Variants in DOP1B observed in about 807,000 individuals in gnomAD.
The protein encoded by DOP1B is DOP1 leucine zipper like protein B.
In DOP1B, 174 loss-of-function variants were observed where a neutral mutation model predicts 233.5. That is an observed-to-expected ratio of 0.75 (90% CI 0.66 to 0.85). The LOEUF (loss-of-function observed/expected upper bound fraction) is 0.85. Ranked by LOEUF, DOP1B falls within the 40% of genes least tolerant of loss-of-function variation. The pLI is 0.00. For synonymous variants in DOP1B, 1,190 were observed against 1,185.6 expected (o/e 1.00, Z -0.08); for missense variants, 2,652 against 2,846.6 (o/e 0.93, Z 1.56).
intron 2 of DOP1B, among the ~76,000 whole-genome samples, chr21:36,196,344 C>T (rs1302705678): frequency 6.6e-6 from 1 of 152,150 alleles, no homozygotes; most frequent in Admixed American, 6.5e-5. Context: ...GCTGGCTGGG[C>T]ATTGCTGGTG....
At chr21:36,195,538 A>G (rs1006541722) in intron 2 of DOP1B, among the ~76,000 whole-genome samples, 1 of 152,136 alleles carries the variant, frequency 6.6e-6, no homozygotes, top group Non-Finnish European at 1.5e-5. Flanking sequence ...TGTCTCAAAA[A>G]ATCAAAACAT....
At chr21:36,288,496 T>A (rs1353691267) in intron 33 of DOP1B, among the ~76,000 whole-genome samples, 1 of 152,074 alleles carries the variant, frequency 6.6e-6, no homozygotes, top group Non-Finnish European at 1.5e-5. Flanking sequence ...AGTTCGAGAC[T>A]AGCCTGGGCA....
Position 36,232,238 on chromosome 21 carries a change from C to A in DOP1B, c.2351-566C>A, listed in dbSNP as rs371873642. On this transcript the variant is annotated intron_variant, in intron 14 of 36. Transcript: ENST00000691173. ...CCTCATATGATCTGCCCGCCTTGGCCTCCCAAAGTGCTGGGATTACAGGCA... is the reference window on the plus strand; with the variant it reads ...CCTCATATGATCTGCCCGCCTTGGCATCCCAAAGTGCTGGGATTACAGGCA... Among the ~76,000 whole-genome samples the A allele has an allele frequency of 2.0e-5, 3 of 152,290 alleles. No individual in the cohort carries two copies. The East Asian group carries it at 5.8e-4, about 29-fold the overall frequency.
At chr21:36,198,279 A>T (rs2066316459) in intron 2 of DOP1B, among the ~76,000 whole-genome samples, 1 of 151,032 alleles carries the variant, frequency 6.6e-6, no homozygotes, top group South Asian at 2.1e-4. Context: ...AATACAAAAA[A>T]TTAGTCAGGC....
Position 36,260,665 on chromosome 21 carries a change from T to C in DOP1B, c.5260-12T>C. The stretch of plus-strand genomic sequence containing the variant: ...ACCAACTCGGAGTAATTGGTTTTAC[T>C]TTCATTTTCAGAAATCGCCCCTAGT... On this transcript the variant is annotated splice_polypyrimidine_tract_variant and intron_variant, in intron 23 of 36. Transcript: ENST00000691173. 6.2e-7 allele frequency: 1 copy of C among 1,613,910 alleles called. No homozygotes were observed. The highest frequency in any genetic ancestry group is 8.5e-7 in the Non-Finnish European group (1 of 1,179,958).
intron 11 of DOP1B, 130 bp downstream of exon 11, chr21:36,223,480 T>A (rs1419029693): frequency 2.3e-5 from 28 of 1,221,066 alleles, no homozygotes; most frequent in Non-Finnish European, 3.0e-5. Context: ...GTTTTAAAAT[T>A]CAACTAAAAC....
chr21:36,167,482 A>G (rs143438260), intron 2 of DOP1B, among the ~76,000 whole-genome samples: 239 of 152,262 alleles, frequency 1.6e-3, no homozygotes, highest in African/African-American at 5.3e-3. Context: ...GCCGAACAGC[A>G]TATTTATTGT....
At chr21:36,290,527 G>A (rs560129114) in intron 35 of DOP1B, among the ~76,000 whole-genome samples, 3 of 151,262 alleles carry the variant, frequency 2.0e-5, no homozygotes, top group East Asian at 1.9e-4. Flanking sequence ...GGCCAGGCGC[G>A]ATGGCTCACA....
chr21:36,283,936 CTT>C (rs547999186), intron 32 of DOP1B, among the ~76,000 whole-genome samples: 24 of 100,988 alleles, frequency 2.4e-4, no homozygotes, highest in African/African-American at 8.0e-4. Flanking sequence ...ACACCTGTTC[CTT>C]TTTTTTTTTT....
intron 2 of DOP1B, among the ~76,000 whole-genome samples, chr21:36,188,019 A>T (rs1298615283): frequency 6.6e-6 from 1 of 152,200 alleles, no homozygotes; most frequent in East Asian, 1.9e-4. Flanking sequence ...AGGAAAAAAA[A>T]AGCATATTCT....
Position 36,293,598 on chromosome 21 carries a change from C to A in DOP1B, c.*27C>A, listed in dbSNP as rs1486328770. On this transcript the variant is annotated 3_prime_UTR_variant, in exon 37 of 37. Coordinates refer to ENST00000691173, the MANE Select transcript of DOP1B (RefSeq NM_001320714.2). ...CATGTGAGAGAGAATATGTTTAATC[C>A]ATGTATTGGTACTTTACTGAAAACC... is the stretch of plus-strand genomic sequence containing the variant. 6.2e-7 allele frequency: 1 copy of A among 1,609,202 alleles called. No homozygotes were observed. Among genetic ancestry groups the A allele is most frequent in the Admixed American group, 1.7e-5 (1 of 59,780 alleles).
chr21:36,241,563 C>A (rs1443826720), intron 18 of DOP1B, among the ~76,000 whole-genome samples: 3 of 127,604 alleles, frequency 2.4e-5, no homozygotes. Flanking sequence ...AGCTGGAGTG[C>A]AGTGGTGCAA....
At position 36,248,527 on chromosome 21, in the gene DOP1B, G is replaced by A; in HGVS notation, c.4957G>A (p.Ala1653Thr). The change falls in exon 21 of 37, where the codon GCC (alanine) becomes ACC (threonine). Residue 1653 changes from alanine (A) to threonine (T), a missense_variant. Around this residue, in one of 3 missense-constraint regions of DOP1B, gnomAD observed 2,617 missense variants for 2,794.3 expected, o/e 0.94. Coordinates refer to ENST00000691173, the MANE Select transcript of DOP1B (RefSeq NM_001320714.2). The stretch of plus-strand genomic sequence containing the variant: ...AAAGAGACCTGTCGATCTCCTAGGG[G>A]CCACGAAGGGATCCTCTTCCGTTTA... Reference protein sequence around the residue: ...TQKRPVDLLGATKGSSSVYFK... With the variant: ...TQKRPVDLLGTTKGSSSVYFK... 8 of 1,612,828 alleles carry A rather than the reference G, an allele frequency of 5.0e-6. No homozygotes were observed. Among genetic ancestry groups the A allele is most frequent in the Non-Finnish European group, 5.9e-6 (7 of 1,179,650 alleles).
intron 4 of DOP1B, among the ~76,000 whole-genome samples, chr21:36,201,270 G>A (rs1162477813): frequency 6.6e-6 from 1 of 151,836 alleles, no homozygotes; most frequent in African/African-American, 2.4e-5. Context: ...GAGGGTCAGA[G>A]GGTAAGAAGG....
At chr21:36,178,024 T>C (rs2066051820) in intron 2 of DOP1B, among the ~76,000 whole-genome samples, 1 of 152,168 alleles carries the variant, frequency 6.6e-6, no homozygotes, top group South Asian at 2.1e-4. Flanking sequence ...TGTCACGCCT[T>C]GGTGTGGAAG....
intron 23 of DOP1B, among the ~76,000 whole-genome samples, chr21:36,257,212 G>A (rs763769021): frequency 2.7e-4 from 41 of 152,174 alleles, no homozygotes; most frequent in South Asian, 1.0e-3. Context: ...TGTGCCCTCC[G>A]TGGGCACAGA....
chr21:36,184,010 C>T (rs1019457336), intron 2 of DOP1B, among the ~76,000 whole-genome samples: 1 of 150,532 alleles, frequency 6.6e-6, no homozygotes, highest in Admixed American at 6.6e-5. Flanking sequence ...ACTACAGGTG[C>T]GTGCCACCAC....
intron 23 of DOP1B, among the ~76,000 whole-genome samples, chr21:36,254,827 G>A (rs539407028): frequency 6.6e-6 from 1 of 152,222 alleles, no homozygotes; most frequent in Middle Eastern, 3.4e-3. Flanking sequence ...ATCCATGCTA[G>A]TGTTGTTTGG....
intron 30 of DOP1B, 31 bp downstream of exon 30, chr21:36,278,386 T>G: frequency 6.3e-7 from 1 of 1,582,836 alleles, no homozygotes; most frequent in Non-Finnish European, 8.6e-7. Context: ...AACAACGTGC[T>G]CTGAATCTTC....
Sources: allele counts gnomAD v4.1 joint callset (sites outside exome capture counted in the v4.1 genomes callset), GRCh38; gene constraint gnomAD v4.1.1; regional missense constraint gnomAD v4.1.1; transcripts MANE v1.5; gene names NCBI Gene and HGNC (gene_info 2026-07-23, HGNC 2026-07-21).